The following DCHS2 variants were observed in gnomAD, a reference collection of about 807,000 sequenced individuals.
DCHS2 encodes dachsous cadherin-related 2.
Under a neutral mutation model 182.4 loss-of-function variants are expected in DCHS2, and 142 were observed. That is an observed-to-expected ratio of 0.78 (90% CI 0.68 to 0.89). The LOEUF (loss-of-function observed/expected upper bound fraction) is 0.89, where lower values mean the gene tolerates loss of function less well. Ranked by LOEUF, DCHS2 falls within the 40% of genes least tolerant of loss-of-function variation. DCHS2 has a pLI of 0.00. For missense variants in DCHS2, 4,319 were observed against 4,198.6 expected (o/e 1.03, Z -0.79); for synonymous variants, 1,740 against 1,663.3 (o/e 1.05, Z -1.12).
At chr4:154,414,835 A>G (rs576063767) in intron 1 of DCHS2, among the ~76,000 whole-genome samples, 1 of 152,262 alleles carries the variant, frequency 6.6e-6, no homozygotes, top group Non-Finnish European at 1.5e-5. Context: ...ACTGCAGGTT[A>G]TAAGGAAAAT....
intron 10 of DCHS2, among the ~76,000 whole-genome samples, chr4:154,313,926 A>T (rs573951729): frequency 1.3e-5 from 2 of 152,324 alleles, no homozygotes; most frequent in South Asian, 4.1e-4. Context: ...TATAATTAGC[A>T]GGTTGCAGAT....
At chr4:154,311,100 G>A (rs542764633) in intron 10 of DCHS2, among the ~76,000 whole-genome samples, 1 of 152,200 alleles carries the variant, frequency 6.6e-6, no homozygotes, top group African/African-American at 2.4e-5. Context: ...GAGAGTGCTA[G>A]GAGCTGAGAA....
intron 13 of DCHS2, among the ~76,000 whole-genome samples, chr4:154,284,049 G>T (rs1734277747): frequency 6.6e-6 from 1 of 152,096 alleles, no homozygotes; most frequent in Non-Finnish European, 1.5e-5. Flanking sequence ...CAAAAAACAA[G>T]GTAAATGTAT....
chr4:154,449,613 T>C (rs1383020294), intron 1 of DCHS2, among the ~76,000 whole-genome samples: 1 of 152,194 alleles, frequency 6.6e-6, no homozygotes, highest in Non-Finnish European at 1.5e-5. Context: ...GCTCGAGCAA[T>C]ACTCTTGCCT....
At chr4:154,333,634 C>G in intron 4 of DCHS2, 140 bp from the exon 5 acceptor site, 1 of 824,502 alleles carries the variant, frequency 1.2e-6, no homozygotes, top group East Asian at 2.7e-5. Flanking sequence ...ATGATGGTTC[C>G]GTAAGATTCT....
chr4:154,299,864 G>T (rs949834759), intron 12 of DCHS2, among the ~76,000 whole-genome samples: 2 of 152,164 alleles, frequency 1.3e-5, no homozygotes, highest in African/African-American at 4.8e-5. Flanking sequence ...GGGTATTAAA[G>T]TACCATGTGA....
chr4:154,274,054 G>A (rs1733719241), intron 13 of DCHS2, among the ~76,000 whole-genome samples: 3 of 152,138 alleles, frequency 2.0e-5, no homozygotes, highest in Admixed American at 2.0e-4. Flanking sequence ...ATATGCATTT[G>A]GGTAAAAGCA....
At chr4:154,316,762 C>A (rs1735870027) in intron 9 of DCHS2, among the ~76,000 whole-genome samples, 1 of 151,900 alleles carries the variant, frequency 6.6e-6, no homozygotes, top group Non-Finnish European at 1.5e-5. Context: ...CTAGCCTGGG[C>A]AACAGAGCAA....
At chr4:154,322,210 A>G in intron 8 of DCHS2, 121 bp downstream of exon 8, 2 of 1,351,852 alleles carry the variant, frequency 1.5e-6, no homozygotes, top group South Asian at 2.7e-5. Context: ...AATAGTATTC[A>G]TGTAACATAC....
intron 16 of DCHS2, among the ~76,000 whole-genome samples, chr4:154,253,192 A>AGAGT (rs1251172870): frequency 7.0e-6 from 1 of 142,542 alleles, no homozygotes; most frequent in African/African-American, 2.6e-5. Context: ...AGAGAGAGAG[A>AGAGT]GTGTGTGTGT....
At chr4:154,449,055 C>A (rs1734421638) in intron 1 of DCHS2, among the ~76,000 whole-genome samples, 1 of 152,168 alleles carries the variant, frequency 6.6e-6, no homozygotes, top group Non-Finnish European at 1.5e-5. Context: ...CTCCCACAAA[C>A]ACACCTATAT....
chr4:154,399,472 G>A (rs1025743537), intron 1 of DCHS2, among the ~76,000 whole-genome samples: 1 of 152,230 alleles, frequency 6.6e-6, no homozygotes, highest in Non-Finnish European at 1.5e-5. Context: ...GATGTGTTGA[G>A]GCGTGGTGAT....
chr4:154,246,572 A>T (rs1046903710), intron 16 of DCHS2, among the ~76,000 whole-genome samples: 3 of 151,876 alleles, frequency 2.0e-5, no homozygotes, highest in African/African-American at 7.3e-5. Context: ...ATAGACAAAT[A>T]AAAAAAAGGA....
At chr4:154,250,810 T>TAA in intron 16 of DCHS2, among the ~76,000 whole-genome samples, 1 of 152,210 alleles carries the variant, frequency 6.6e-6, no homozygotes, top group East Asian at 1.9e-4. Flanking sequence ...TCTTTAGAAA[T>TAA]AAAGATACAA....
In DCHS2 at chr4:154,304,872, A is replaced by G; in HGVS notation, c.5402T>C (p.Val1801Ala). 6.2e-7 allele frequency: 1 copy of G among 1,608,498 alleles called. No homozygotes were observed. Among genetic ancestry groups the G allele is most frequent in the Non-Finnish European group, 8.5e-7 (1 of 1,177,406 alleles). Residue 1801 changes from valine to alanine, a missense_variant, in exon 12 of 20, where the codon GTA (valine) becomes GCA (alanine). Coordinates refer to ENST00000357232, the MANE Select transcript of DCHS2 (RefSeq NM_001358235.2). Reference sequence around the variant, plus strand: ...CAATGAAGGGAATCCCCCATCTCGTACTAGTACTGACACAGAACACAAAGA... The same window carrying G: ...CAATGAAGGGAATCCCCCATCTCGTGCTAGTACTGACACAGAACACAAAGA... The part of the protein sequence containing the change: ...IQEVFTLRVL[V>A]RDGGFPSLSS...
rs778940410 is a variant in DCHS2, at chr4:154,417,158, A to AGTGTGT, written c.2053-39720_2053-39715dup. Among the ~76,000 whole-genome samples the AGTGTGT allele has an allele frequency of 7.5e-4, 60 of 80,074 alleles. 1 individual carries two copies. The highest frequency in any genetic ancestry group is 2.1e-3 in the African/African-American group (42 of 20,132). 52.5% of individuals were successfully genotyped at this position (80,074 alleles called of 152,430 possible). A position where few individuals can be genotyped will look rare whatever the true frequency, so the allele number is the denominator to read the frequency against. Reference sequence around the variant, plus strand: ...CTGTCACCACCTCAGGCCGGTCCCGAGTGTGTGTGTGTGTGTGTGTGTGTG... The same window carrying AGTGTGT: ...CTGTCACCACCTCAGGCCGGTCCCGAGTGTGTGTGTGTGTGTGTGTGTGTGTGTGTG... On this transcript the variant is annotated intron_variant, in intron 1 of 19. Transcript: ENST00000357232.
intron 3 of DCHS2, chr4:154,357,175 G>T: frequency 7.5e-7 from 1 of 1,331,684 alleles, no homozygotes; most frequent in Middle Eastern, 1.8e-4. Flanking sequence ...CCTTTTTGGT[G>T]AATGCTTCTG....
rs1017018198 is a variant in DCHS2, at chr4:154,236,786, A to T, written c.7866T>A (p.Ser2622Arg). 9.3e-6 allele frequency: 15 copies of T among 1,614,022 alleles called. No homozygotes were observed. Among genetic ancestry groups the T allele is most frequent in the Non-Finnish European group, 1.3e-5 (15 of 1,179,976 alleles). The change falls in exon 20 of 20, where the codon AGT becomes AGA. Residue 2622 changes from serine (S) to arginine (R), a missense_variant. By Grantham distance (110) the Ser-to-Arg change is moderately radical (BLOSUM62 -1). Coordinates refer to ENST00000357232, the MANE Select transcript of DCHS2 (RefSeq NM_001358235.2). ...GGCTAGCACTTGCTTCTCTGTCCAG[A>T]CTGTGAAGCAACACAAGATAACCGA... ...KQVGYLVLLH[S>R]LDREASASHE...
chr4:154,258,947 G>T (rs1233882780), intron 15 of DCHS2, among the ~76,000 whole-genome samples: 2 of 152,098 alleles, frequency 1.3e-5, no homozygotes, highest in African/African-American at 4.8e-5. Flanking sequence ...CCAGCTTCCT[G>T]ACTACAAAAA....
Sources: gnomAD v4.1 joint callset for allele counts (sites outside exome capture counted in the v4.1 genomes callset) on GRCh38, gnomAD v4.1.1 for gene constraint, MANE v1.5 for transcripts, NCBI Gene and HGNC (gene_info 2026-07-23, HGNC 2026-07-21) for gene names.